Variants in MAPK8 observed in about 807,000 individuals in gnomAD.
MAPK8 encodes JUN N-terminal kinase.
Under a neutral mutation model 52.9 loss-of-function variants are expected in MAPK8, and 13 were observed. The ratio of observed to expected loss-of-function variants is 0.25; its 90% CI spans 0.16 to 0.39. MAPK8 has a LOEUF of 0.39. MAPK8 is among the 10% of genes least tolerant of loss of function. The pLI, the probability that MAPK8 is intolerant of heterozygous loss-of-function variation, is 1.00. For missense variants in MAPK8, 300 were observed against 519.2 expected (o/e 0.58, Z 4.10); for synonymous variants, 191 against 169.8 (o/e 1.12, Z -0.97).
chr10:48,347,071 G>T (rs1845861365), intron 1 of MAPK8, among the ~76,000 whole-genome samples: 1 of 152,098 alleles, frequency 6.6e-6, no homozygotes, highest in Non-Finnish European at 1.5e-5. Context: ...TTGTCTCTTT[G>T]TCTTGTGTCT....
At chr10:48,363,875 G>A (rs567106808) in intron 1 of MAPK8, among the ~76,000 whole-genome samples, 1 of 152,306 alleles carries the variant, frequency 6.6e-6, no homozygotes, top group Non-Finnish European at 1.5e-5. Context: ...ATTATTTACA[G>A]ACTTCTGAAA....
chr10:48,423,991 C>T (rs1303099401), intron 6 of MAPK8, 97 bp from the exon 7 acceptor site: 16 of 715,348 alleles, frequency 2.2e-5, no homozygotes, highest in Admixed American at 1.1e-4. Flanking sequence ...CTTTTCGTGA[C>T]GTTTTGCAGT....
At chr10:48,322,697 T>A (rs891091264) in intron 1 of MAPK8, among the ~76,000 whole-genome samples, 2 of 152,006 alleles carry the variant, frequency 1.3e-5, no homozygotes, top group Non-Finnish European at 2.9e-5. Flanking sequence ...GTCATGTAAA[T>A]CTATTGCAAG....
At chr10:48,429,234 A>T (rs1426861815) in intron 10 of MAPK8, among the ~76,000 whole-genome samples, 1 of 152,202 alleles carries the variant, frequency 6.6e-6, no homozygotes, top group East Asian at 1.9e-4. Flanking sequence ...ACAAAGAAAA[A>T]AACACCTTCG....
chr10:48,319,070 T>C (rs61840553), intron 1 of MAPK8, among the ~76,000 whole-genome samples: 16,215 of 152,224 alleles, frequency 0.11, 1,153 homozygotes, highest in Admixed American at 0.25. Flanking sequence ...GTTATCACTT[T>C]TAGTGTTGTA....
chr10:48,377,442 C>G (rs2040739523), intron 1 of MAPK8, among the ~76,000 whole-genome samples: 1 of 152,166 alleles, frequency 6.6e-6, no homozygotes, highest in Admixed American at 6.6e-5. Context: ...TGCTCTTGGT[C>G]AATTGAACCC....
intron 7 of MAPK8, chr10:48,425,557 G>C: frequency 3.1e-6 from 1 of 326,058 alleles, no homozygotes; most frequent in Non-Finnish European, 5.5e-6. Flanking sequence ...ATAGCATTGT[G>C]TGCAGTTTGC....
chr10:48,317,957 A>G (rs1279126827), intron 1 of MAPK8, among the ~76,000 whole-genome samples: 1 of 122,076 alleles, frequency 8.2e-6, no homozygotes, highest in Non-Finnish European at 1.7e-5. Flanking sequence ...CCCCCCCAGC[A>G]TTATTTAGCT....
At chr10:48,322,315 T>TAA (rs10666309) in intron 1 of MAPK8, among the ~76,000 whole-genome samples, 69,819 of 150,490 alleles carry the variant, frequency 0.46, 16,501 homozygotes, top group Middle Eastern at 0.69. Flanking sequence ...TTTCATGATT[T>TAA]AAAAAAAAAA....
chr10:48,396,454 G>C (rs147496582), intron 1 of MAPK8, among the ~76,000 whole-genome samples: 1 of 152,164 alleles, frequency 6.6e-6, no homozygotes, highest in Admixed American at 6.5e-5. Context: ...CGAAGAGTTG[G>C]TAAGAATGTA....
intron 10 of MAPK8, among the ~76,000 whole-genome samples, chr10:48,428,049 A>G (rs1447739040): frequency 6.6e-6 from 1 of 152,190 alleles, no homozygotes; most frequent in African/African-American, 2.4e-5. Context: ...TTATTTCCAA[A>G]TTACTCTCCA....
In MAPK8 at chr10:48,413,857, A is replaced by G. The variant is rs866499361; in HGVS notation, c.450+3689A>G. Among the ~76,000 whole-genome samples, 60 of 124,558 alleles carry G rather than the reference A, an allele frequency of 4.8e-4. 1 individual carries two copies. The highest frequency in any genetic ancestry group is 1.7e-3 in the African/African-American group (58 of 33,772). The allele number at this position is 124,558 out of a possible 152,430, so 81.7% of individuals were successfully genotyped here. A position where few individuals can be genotyped will look rare whatever the true frequency, so the allele number is the denominator to read the frequency against. ...TATATATATATATATATATATATAT[A>G]TATTCAGAAATATTTTATATTTTTG... On this transcript the variant is annotated intron_variant, in intron 5 of 11. Coordinates refer to ENST00000374189, the MANE Select transcript of MAPK8 (RefSeq NM_001323329.2).
chr10:48,371,015 G>T (rs1200208103), intron 1 of MAPK8, among the ~76,000 whole-genome samples: 1 of 152,052 alleles, frequency 6.6e-6, no homozygotes, highest in African/African-American at 2.4e-5. Flanking sequence ...AGGTTGAAAG[G>T]GTTGACCAAG....
chr10:48,328,554 CCTTTT>C (rs1306278816), intron 1 of MAPK8, among the ~76,000 whole-genome samples: 1 of 152,148 alleles, frequency 6.6e-6, no homozygotes, highest in Non-Finnish European at 1.5e-5. Flanking sequence ...CTGGGACACT[CCTTTT>C]CTTTAGGAAG....
Position 48,404,891 on chromosome 10 carries a change from CAAG to C in MAPK8, c.166_168del (p.Lys56del). 6.2e-7 allele frequency: 1 copy of C among 1,609,328 alleles called. No individual in the cohort carries two copies. Among genetic ancestry groups the C allele is most frequent in the Non-Finnish European group, 8.5e-7 (1 of 1,177,048 alleles). ...CCATTCTTGAAAGAAATGTTGCAAT[CAAG>C]AAGCTAAGCCGACCATTTCAGAATC... is the stretch of plus-strand genomic sequence containing the variant. On this transcript the variant is annotated inframe_deletion, in exon 3 of 12. Transcript: ENST00000374189.
chr10:48,402,695 A>C (rs931635478), intron 2 of MAPK8, among the ~76,000 whole-genome samples: 5 of 152,242 alleles, frequency 3.3e-5, no homozygotes, highest in Admixed American at 2.0e-4. Flanking sequence ...TATTCTAAAC[A>C]AAATGTAAAC....
chr10:48,311,480 C>T (rs141420731), intron 1 of MAPK8, among the ~76,000 whole-genome samples: 3 of 152,274 alleles, frequency 2.0e-5, no homozygotes, highest in African/African-American at 7.2e-5. Context: ...GATTTTTTGC[C>T]TTTTCCCACA....
chr10:48,342,959 C>G (rs1845445298), intron 1 of MAPK8, among the ~76,000 whole-genome samples: 1 of 152,136 alleles, frequency 6.6e-6, no homozygotes, highest in Non-Finnish European at 1.5e-5. Flanking sequence ...GAAGAGCAGT[C>G]CTGTATTTTG....
intron 9 of MAPK8, 112 bp downstream of exon 9, chr10:48,426,616 T>C (rs995078832): frequency 5.1e-6 from 5 of 989,666 alleles, no homozygotes; most frequent in Non-Finnish European, 7.3e-6. Flanking sequence ...TACATGATGA[T>C]GATGTTTTTC....
Sources: gnomAD v4.1 joint callset for allele counts (sites outside exome capture counted in the v4.1 genomes callset) on GRCh38, gnomAD v4.1.1 for gene constraint, MANE v1.5 for transcripts, NCBI Gene and HGNC (gene_info 2026-07-23, HGNC 2026-07-21) for gene names.